ABCA5: variants seen among roughly 807,000 people sequenced by gnomAD.
The protein encoded by ABCA5 is cholesterol transporter ABCA5.
In ABCA5, 163 loss-of-function variants were observed where a neutral mutation model predicts 206.0. That is an observed-to-expected ratio of 0.79 (90% CI 0.70 to 0.90). ABCA5 has a LOEUF of 0.90. ABCA5 is among the 40% of genes least tolerant of loss of function. The pLI is 0.00. For synonymous variants in ABCA5, 609 were observed against 613.8 expected, an observed-to-expected ratio of 0.99 and a Z score of 0.11; for missense variants, 1,859 against 1,912.9, an observed-to-expected ratio of 0.97 and a Z score of 0.53.
At position 69,302,668 on chromosome 17, in the gene ABCA5, T is replaced by G. The variant is rs777439597; in HGVS notation, c.1119+50A>C. The G allele has an allele frequency of 2.3e-6, 3 of 1,321,302 alleles. No homozygotes were observed. In the Admixed American group the frequency reaches 8.4e-5, roughly 37 times the overall value. 81.8% of individuals were successfully genotyped at this position (1,321,302 alleles called of 1,614,324 possible). A position where few individuals can be genotyped will look rare whatever the true frequency, so the allele number is the denominator to read the frequency against. ...ATTCATGGTAGTATAAGAAGCTACA[T>G]AAAACAGAAAGAAAATATTTAGTGA... On this transcript the variant is annotated intron_variant, in intron 8 of 38. Transcript: ENST00000392676.
At chr17:69,304,631 G>C in intron 7 of ABCA5, 38 bp downstream of exon 7, 3 of 1,471,886 alleles carry the variant, frequency 2.0e-6, no homozygotes, top group Non-Finnish European at 2.7e-6. Context: ...CAAACATTTT[G>C]ACAGTTCTTT....
chr17:69,261,974 A>G (rs1054146041), intron 24 of ABCA5, among the ~76,000 whole-genome samples: 1 of 152,016 alleles, frequency 6.6e-6, no homozygotes, highest in Non-Finnish European at 1.5e-5. Flanking sequence ...ATTAGCTACT[A>G]TTTTAATATA....
At position 69,304,518 on chromosome 17, in the gene ABCA5, T is replaced by C. The variant is rs1012277277; in HGVS notation, c.930+151A>G. ...TACTAAAAATACAGGAATACAGTGA[T>C]GCCACATCATTTATTTATTAAGTCA... On this transcript the variant is annotated intron_variant, in intron 7 of 38. Coordinates refer to ENST00000392676, the MANE Select transcript of ABCA5 (RefSeq NM_172232.4). The C allele has an allele frequency of 8.1e-6, 5 of 620,514 alleles. No individual in the cohort carries two copies. The African/African-American group carries it at 9.4e-5, about 12-fold the overall frequency. The allele number at this position is 620,514 out of a possible 1,614,324, so 38.4% of individuals were successfully genotyped here.
At chr17:69,301,414 A>T (rs1007922839) in intron 8 of ABCA5, 128 bp from the exon 9 acceptor site, 11 of 560,632 alleles carry the variant, frequency 2.0e-5, no homozygotes, top group Non-Finnish European at 2.3e-5. Flanking sequence ...TAGATTAAAC[A>T]CTTGACCAAA....
At chr17:69,293,478 G>A (rs571938605) in intron 11 of ABCA5, among the ~76,000 whole-genome samples, 49 of 152,236 alleles carry the variant, frequency 3.2e-4, no homozygotes, top group Non-Finnish European at 6.3e-4. Context: ...CTATGGTGCC[G>A]TTATTTGGTC....
In ABCA5 at chr17:69,301,123, A is replaced by G. The variant is rs1455906386; in HGVS notation, c.1267+16T>C. The G allele has an allele frequency of 8.0e-6, 12 of 1,491,066 alleles. No individual in the cohort carries two copies. Among genetic ancestry groups the G allele is most frequent in the Non-Finnish European group, 1.1e-5 (12 of 1,127,210 alleles). 92.4% of individuals were successfully genotyped at this position (1,491,066 alleles called of 1,614,324 possible). On this transcript the variant is annotated intron_variant, in intron 9 of 38. Transcript: ENST00000392676. Reference sequence around the variant, plus strand: ...CTAAAAATCTTTAAAGTAAAATTCAAAAACCATCTGCATACCTGGAATGAC... The same window carrying G: ...CTAAAAATCTTTAAAGTAAAATTCAGAAACCATCTGCATACCTGGAATGAC...
At chr17:69,264,657 G>A in intron 24 of ABCA5, 78 bp downstream of exon 24, 1 of 1,043,326 alleles carries the variant, frequency 9.6e-7, no homozygotes, top group African/African-American at 1.6e-5. Context: ...TATGCAATAA[G>A]TCAACTGTCA....
intron 38 of ABCA5, 64 bp from the exon 39 acceptor site, chr17:69,247,708 C>T: frequency 1.1e-6 from 1 of 892,962 alleles, no homozygotes; most frequent in East Asian, 2.6e-5. Context: ...GAACTTTTAA[C>T]TAAATCAGAA....
chr17:69,250,438 T>TA (rs757727548), intron 36 of ABCA5, 34 bp downstream of exon 36: 183 of 1,576,716 alleles, frequency 1.2e-4, no homozygotes, highest in Non-Finnish European at 1.5e-4. Flanking sequence ...CTTTGCTCTA[T>TA]AAAGAAATAT....
chr17:69,294,978 T>C, intron 10 of ABCA5, among the ~76,000 whole-genome samples: 1 of 152,120 alleles, frequency 6.6e-6, no homozygotes, highest in East Asian at 1.9e-4. Flanking sequence ...AACTAATCTA[T>C]TAATAGCCTA....
intron 36 of ABCA5, 134 bp downstream of exon 36, chr17:69,250,338 T>C (rs555744731): frequency 3.1e-6 from 2 of 643,636 alleles, no homozygotes; most frequent in South Asian, 3.3e-5. Context: ...AATATACATA[T>C]ATATTCACAC....
Position 69,307,629 on chromosome 17 carries a change from C to G in ABCA5, c.558+651G>C, listed in dbSNP as rs570248262. The stretch of plus-strand genomic sequence containing the variant: ...GTATTATTGAATTTGTGCAATATTA[C>G]ACGTCCCTAATATGTTTATACTGTA... On this transcript the variant is annotated intron_variant, in intron 5 of 38. Transcript: ENST00000392676. 4.6e-5 allele frequency among the ~76,000 whole-genome samples: 7 copies of G among 152,184 alleles called. No homozygotes were observed. The South Asian group carries it at 8.3e-4, about 18-fold the overall frequency.
intron 17 of ABCA5, among the ~76,000 whole-genome samples, chr17:69,284,392 G>A (rs1422255205): frequency 6.6e-6 from 1 of 151,562 alleles, no homozygotes; most frequent in Non-Finnish European, 1.5e-5. Context: ...TTTTATATAT[G>A]GGAATATATC....
intron 10 of ABCA5, among the ~76,000 whole-genome samples, chr17:69,295,116 A>G (rs1051050379): frequency 6.6e-6 from 1 of 152,168 alleles, no homozygotes; most frequent in African/African-American, 2.4e-5. Flanking sequence ...TAAGGAAAAA[A>G]TATATATTTA....
In ABCA5 at chr17:69,308,315, CTG is replaced by C; in HGVS notation, c.521_522del (p.Thr174SerfsTer27). On this transcript the variant is annotated frameshift_variant, in exon 5 of 39. Coordinates refer to ENST00000392676, the MANE Select transcript of ABCA5 (RefSeq NM_172232.4). LOFTEE classifies it high-confidence loss of function. ...GCAGCATCTATGGATGCTTGTAAAACTGTGAAACCTGAGGACCAGTACTGAGC... is the reference window on the plus strand; with the variant it reads ...GCAGCATCTATGGATGCTTGTAAAACTGAAACCTGAGGACCAGTACTGAGC... ...EAAQYWSSGF[T>X]VLQASIDAAI... 1 of 1,611,848 alleles carries C rather than the reference CTG, an allele frequency of 6.2e-7. No homozygotes were observed. The highest frequency in any genetic ancestry group is 8.5e-7 in the Non-Finnish European group (1 of 1,178,494).
chr17:69,291,279 G>C lies in ABCA5; in HGVS notation c.1543C>G (p.His515Asp), dbSNP rs772318726. 6.2e-7 allele frequency: 1 copy of C among 1,611,484 alleles called. No homozygotes were observed. Among genetic ancestry groups the C allele is most frequent in the Non-Finnish European group, 8.5e-7 (1 of 1,178,516 alleles). Residue 515 changes from histidine (H) to aspartate (D), a missense_variant, in exon 12 of 39, where the codon CAC becomes GAC. Coordinates refer to ENST00000392676, the MANE Select transcript of ABCA5 (RefSeq NM_172232.4). ...AATGTACTCTTTCCTGTTCCACTGTGGCCAAGTAAGGCAGTAATCTGACCC... is the reference window on the plus strand; with the variant it reads ...AATGTACTCTTTCCTGTTCCACTGTCGCCAAGTAAGGCAGTAATCTGACCC... Reference protein sequence around the residue: ...YEGQITALLGHSGTGKSTLMN... With the variant: ...YEGQITALLGDSGTGKSTLMN...
chr17:69,309,221 T>A, intron 4 of ABCA5, 41 bp downstream of exon 4: 1 of 1,448,650 alleles, frequency 6.9e-7, no homozygotes, highest in Non-Finnish European at 9.2e-7. Context: ...AGCAAAGATA[T>A]GCATTTAATT....
intron 15 of ABCA5, 61 bp from the exon 16 acceptor site, chr17:69,286,372 T>A (rs1299228763): frequency 3.8e-5 from 54 of 1,439,094 alleles, no homozygotes; most frequent in Non-Finnish European, 4.8e-5. Context: ...AATTGGCATT[T>A]ACATTTTATG....
intron 3 of ABCA5, among the ~76,000 whole-genome samples, chr17:69,311,466 TTTTG>T (rs925307865): frequency 2.0e-4 from 31 of 152,166 alleles, no homozygotes; most frequent in Non-Finnish European, 2.9e-4. Context: ...CTTAGTTGTT[TTTTG>T]TTTGTTTGTT....
Sources: gnomAD v4.1 joint callset for allele counts (sites outside exome capture counted in the v4.1 genomes callset) on GRCh38, gnomAD v4.1.1 for gene constraint, MANE v1.5 for transcripts, NCBI Gene and HGNC (gene_info 2026-07-23, HGNC 2026-07-21) for gene names.